PRLR: variants seen among roughly 807,000 people sequenced by gnomAD.
The protein encoded by PRLR is hPRL receptor.
PRLR carries 13 observed loss-of-function variants against 40.2 expected under a neutral mutation model. That is an observed-to-expected ratio of 0.32 (90% confidence interval 0.21 to 0.51). The LOEUF is 0.51. PRLR is among the 20% of genes least tolerant of loss of function. The pLI, the probability that PRLR is intolerant of heterozygous loss-of-function variation, is 0.97. For missense variants in PRLR, 656 were observed against 747.3 expected (o/e 0.88, Z 1.42); for synonymous variants, 269 against 278.7 (o/e 0.97, Z 0.35).
intron 1 of PRLR, among the ~76,000 whole-genome samples, chr5:35,123,885 G>T (rs1773372841): frequency 6.6e-6 from 1 of 152,144 alleles, no homozygotes; most frequent in African/African-American, 2.4e-5. Context: ...GTCAGGGATT[G>T]GACCAAGTTC....
chr5:35,194,273 CCCTCATGA>C (rs1163201212), intron 1 of PRLR, among the ~76,000 whole-genome samples: 2 of 152,144 alleles, frequency 1.3e-5, no homozygotes, highest in Non-Finnish European at 2.9e-5. Flanking sequence ...ATGGTTCCTG[CCCTCATGA>C]CCTCATGACA....
At chr5:35,221,453 T>A (rs555476667) in intron 1 of PRLR, among the ~76,000 whole-genome samples, 1 of 152,154 alleles carries the variant, frequency 6.6e-6, no homozygotes, top group Non-Finnish European at 1.5e-5. Context: ...ATGCTCAAAA[T>A]CATGTTTTTT....
At chr5:35,172,236 C>T (rs1011105496) in intron 1 of PRLR, among the ~76,000 whole-genome samples, 2 of 152,196 alleles carry the variant, frequency 1.3e-5, no homozygotes, top group African/African-American at 4.8e-5. Flanking sequence ...AAGACCTGCC[C>T]AATGTCTTCC....
In PRLR at chr5:35,128,016, G is replaced by A. The variant is rs558384578; in HGVS notation, c.-105-9894C>T. On this transcript the variant is annotated intron_variant, in intron 1 of 9. Transcript: ENST00000618457. ...ACTTTATGAGGGTGCAAAAGAGATA[G>A]GCATTCAACCTGCTTCTTGATGAGG... Among the ~76,000 whole-genome samples the A allele has an allele frequency of 5.9e-5, 9 of 152,162 alleles. No individual in the cohort carries two copies. The South Asian group carries it at 1.9e-3, about 32-fold the overall frequency.
At chr5:35,160,045 G>A (rs1774630370) in intron 1 of PRLR, among the ~76,000 whole-genome samples, 1 of 152,206 alleles carries the variant, frequency 6.6e-6, no homozygotes, top group African/African-American at 2.4e-5. Context: ...GAGAGGAAGA[G>A]CATTACCCAA....
At chr5:35,116,770 G>C (rs973342054) in intron 2 of PRLR, among the ~76,000 whole-genome samples, 5 of 152,326 alleles carry the variant, frequency 3.3e-5, no homozygotes, top group Admixed American at 2.6e-4. Context: ...CTTGTACCCA[G>C]AGCGTTTTGA....
At chr5:35,113,332 CCCACCCACCCA>C (rs1230473687) in intron 2 of PRLR, among the ~76,000 whole-genome samples, 3 of 139,540 alleles carry the variant, frequency 2.1e-5, no homozygotes, top group Admixed American at 7.2e-5. Context: ...CATCCATTAA[CCCACCCACCCA>C]CCTTTCCATC....
chr5:35,145,515 T>C (rs10067752), intron 1 of PRLR, among the ~76,000 whole-genome samples: 129,405 of 152,180 alleles, frequency 0.85, 56,679 homozygotes, highest in South Asian at 0.96. Context: ...CTTGTTGTGG[T>C]ATGCCATACA....
At chr5:35,052,899 T>C (rs1050857784), downstream of PRLR, among the ~76,000 whole-genome samples, 1 of 152,200 alleles carries the variant, frequency 6.6e-6, no homozygotes, top group Non-Finnish European at 1.5e-5. Flanking sequence ...AAACTAAGCA[T>C]AAAAATGGAC....
intron 5 of PRLR, among the ~76,000 whole-genome samples, chr5:35,074,974 A>G (rs1217534657): frequency 1.3e-5 from 2 of 152,098 alleles, no homozygotes; most frequent in African/African-American, 2.4e-5. Flanking sequence ...CAATCTCTGT[A>G]CCAGATGGGG....
chr5:35,049,355 G>A, exon 9 of PRLR: 1 of 703,048 alleles, frequency 1.4e-6, no homozygotes, highest in Non-Finnish European at 2.6e-6. Context: ...ATTTTTCTTG[G>A]TCTGTAAGAT....
At chr5:35,142,827 T>C (rs1195760521) in intron 1 of PRLR, among the ~76,000 whole-genome samples, 1 of 152,256 alleles carries the variant, frequency 6.6e-6, no homozygotes, top group Non-Finnish European at 1.5e-5. Context: ...TGTCTGGTTT[T>C]GATTCTTGGC....
chr5:35,108,611 C>A (rs972624410), intron 2 of PRLR, among the ~76,000 whole-genome samples: 6 of 152,182 alleles, frequency 3.9e-5, no homozygotes, highest in African/African-American at 1.4e-4. Context: ...AACTCCCATT[C>A]ACAATTGCTT....
rs1768767069 is a variant in PRLR at position 35,057,095 on chromosome 5, A to T, written c.*7994T>A. ...TCAAAAGGATTCCCCACTTAAAAAAATGCTTTGGTTCTTCCTTTATTTCAC... is the reference window on the plus strand; with the variant it reads ...TCAAAAGGATTCCCCACTTAAAAAATTGCTTTGGTTCTTCCTTTATTTCAC... On this transcript the variant is annotated 3_prime_UTR_variant, in exon 10 of 10. Transcript: ENST00000618457. 1 of 152,206 alleles carries T rather than the reference A, an allele frequency of 6.6e-6. No individual in the cohort carries two copies. Among genetic ancestry groups the T allele is most frequent in the Non-Finnish European group, 1.5e-5 (1 of 68,030 alleles). The allele number at this position is 152,206 out of a possible 1,614,324, so 9.4% of individuals were successfully genotyped here.
At chr5:35,157,954 C>T (rs1192228368) in intron 1 of PRLR, among the ~76,000 whole-genome samples, 4 of 152,120 alleles carry the variant, frequency 2.6e-5, no homozygotes, top group Admixed American at 6.5e-5. Context: ...GTGTTCTAAC[C>T]ATGGTATGAA....
chr5:35,113,417 CCAT>C (rs1772807499), intron 2 of PRLR, among the ~76,000 whole-genome samples: 1 of 149,320 alleles, frequency 6.7e-6, no homozygotes, highest in African/African-American at 2.5e-5. Flanking sequence ...ATCCATCCAT[CCAT>C]CCACCCATCC....
chr5:35,196,939 TGG>T (rs1775752243), intron 1 of PRLR, among the ~76,000 whole-genome samples: 1 of 152,112 alleles, frequency 6.6e-6, no homozygotes, highest in African/African-American at 2.4e-5. Flanking sequence ...CCTCACATGG[TGG>T]AAAAAGGTGA....
intron 1 of PRLR, among the ~76,000 whole-genome samples, chr5:35,186,524 T>C (rs1424578075): frequency 6.6e-6 from 1 of 152,192 alleles, no homozygotes; most frequent in Non-Finnish European, 1.5e-5. Flanking sequence ...ATTTATGCCT[T>C]ATTGAGGCCT....
At chr5:35,156,149 AAAC>A (rs1239157725) in intron 1 of PRLR, among the ~76,000 whole-genome samples, 6 of 151,726 alleles carry the variant, frequency 4.0e-5, no homozygotes, top group African/African-American at 1.5e-4. Flanking sequence ...ACAAAAAAAA[AAAC>A]AAAACCAACT....
Sources: gnomAD v4.1 joint callset for allele counts (sites outside exome capture counted in the v4.1 genomes callset) on GRCh38, gnomAD v4.1.1 for gene constraint, MANE v1.5 for transcripts, NCBI Gene and HGNC (gene_info 2026-07-23, HGNC 2026-07-21) for gene names.